The following SND1 variants were observed in gnomAD, a reference collection of about 807,000 sequenced individuals.
The protein encoded by SND1 is staphylococcal nuclease and tudor domain containing 1.
SND1 carries 38 observed loss-of-function variants against 121.7 expected under a neutral mutation model. The ratio of observed to expected loss-of-function variants is 0.31; its 90% CI spans 0.24 to 0.41. SND1 has a LOEUF of 0.41. Among genes scored for constraint, SND1 ranks in the 10% least tolerant of loss-of-function variants. The pLI, the probability that SND1 is intolerant of heterozygous loss-of-function variation, is 1.00. For synonymous variants in SND1, 401 were observed against 447.4 expected (o/e 0.90, Z 1.31); for missense variants, 868 against 1,184.6 (o/e 0.73, Z 3.92).
rs560173905 is a variant in SND1, at chr7:127,769,801, G to A, written c.1153-37683G>A. ...TTCCTTTTCCATTACAAAGGCAACTGTATGAACCAGAACAGTGCCCTTTTT... is the reference window on the plus strand; with the variant it reads ...TTCCTTTTCCATTACAAAGGCAACTATATGAACCAGAACAGTGCCCTTTTT... On this transcript the variant is annotated intron_variant, in intron 10 of 23. Transcript: ENST00000354725. Among the ~76,000 whole-genome samples the A allele has an allele frequency of 2.0e-5, 3 of 152,276 alleles. No homozygotes were observed. The South Asian group carries it at 6.2e-4, about 32-fold the overall frequency.
At chr7:128,087,429 G>T (rs1158437930) in intron 21 of SND1, among the ~76,000 whole-genome samples, 1 of 152,216 alleles carries the variant, frequency 6.6e-6, no homozygotes, top group Non-Finnish European at 1.5e-5. Flanking sequence ...GAGGAATGTG[G>T]CACCATTTCT....
At chr7:127,935,909 G>GTA (rs1387136679) in intron 15 of SND1, among the ~76,000 whole-genome samples, 3 of 152,296 alleles carry the variant, frequency 2.0e-5, no homozygotes, top group African/African-American at 4.8e-5. Context: ...AGAGCCTTCT[G>GTA]TACTTCAAGG....
intron 16 of SND1, among the ~76,000 whole-genome samples, chr7:128,047,851 C>CT (rs566167167): frequency 0.013 from 1,863 of 145,366 alleles, 17 homozygotes; most frequent in African/African-American, 0.026. Context: ...GAACCTGCAT[C>CT]TTTTTTTTTT....
At chr7:127,856,760 C>CTATAT (rs1361273307) in intron 12 of SND1, among the ~76,000 whole-genome samples, 1 of 152,176 alleles carries the variant, frequency 6.6e-6, no homozygotes, top group African/African-American at 2.4e-5. Context: ...GCAATGGGAA[C>CTATAT]TATATTACAG....
intron 10 of SND1, among the ~76,000 whole-genome samples, chr7:127,766,771 C>CAAAAAAAAAAAAAAAAAAAAA (rs59243807): frequency 3.0e-5 from 1 of 33,202 alleles, no homozygotes; most frequent in Non-Finnish European, 5.8e-5. Context: ...GACTTTGTCT[C>CAAAAAAAAAAAAAAAAAAAAA]AAAAAAAAAA....
chr7:127,876,287 G>A (rs1799688265), intron 12 of SND1, among the ~76,000 whole-genome samples: 1 of 152,284 alleles, frequency 6.6e-6, no homozygotes, highest in Non-Finnish European at 1.5e-5. Context: ...AGAAGATTCA[G>A]CTGACAGTGT....
At chr7:128,068,262 C>T (rs1040801225) in intron 16 of SND1, among the ~76,000 whole-genome samples, 1 of 143,818 alleles carries the variant, frequency 7.0e-6, no homozygotes, top group Non-Finnish European at 1.5e-5. Flanking sequence ...TCCCTCCCCC[C>T]ACCCCAAACC....
At chr7:127,771,290 G>A (rs1797508556) in intron 10 of SND1, among the ~76,000 whole-genome samples, 1 of 152,086 alleles carries the variant, frequency 6.6e-6, no homozygotes, top group Non-Finnish European at 1.5e-5. Context: ...GTTTCCCAAG[G>A]GACCAAATTT....
intron 16 of SND1, among the ~76,000 whole-genome samples, chr7:128,059,851 G>A (rs983400573): frequency 2.0e-4 from 30 of 152,222 alleles, no homozygotes; most frequent in African/African-American, 6.3e-4. Context: ...AATCCAGCAC[G>A]TTCTCTTTAT....
chr7:127,810,632 G>A (rs1364310443), intron 11 of SND1, among the ~76,000 whole-genome samples: 1 of 152,150 alleles, frequency 6.6e-6, no homozygotes, highest in Non-Finnish European at 1.5e-5. Context: ...CTGATAGCAG[G>A]AGCAATCTTT....
intron 15 of SND1, among the ~76,000 whole-genome samples, chr7:127,967,300 ACT>A (rs1801875891): frequency 6.6e-6 from 1 of 152,106 alleles, no homozygotes; most frequent in African/African-American, 2.4e-5. Context: ...CAGAGAGAAA[ACT>A]CTCATGCCAC....
At chr7:127,949,543 T>C (rs1801413162) in intron 15 of SND1, among the ~76,000 whole-genome samples, 1 of 152,260 alleles carries the variant, frequency 6.6e-6, no homozygotes, top group Admixed American at 6.5e-5. Flanking sequence ...TGGGTTTCTT[T>C]TGTTGTTTTT....
At chr7:127,709,778 C>G (rs1216576321) in intron 9 of SND1, among the ~76,000 whole-genome samples, 1 of 152,068 alleles carries the variant, frequency 6.6e-6, no homozygotes, top group Non-Finnish European at 1.5e-5. Context: ...TGAGGAATAA[C>G]CAATCTTCTG....
intron 16 of SND1, among the ~76,000 whole-genome samples, chr7:128,073,257 G>A (rs1793445195): frequency 6.6e-6 from 1 of 152,176 alleles, no homozygotes; most frequent in Non-Finnish European, 1.5e-5. Flanking sequence ...GGACCTATAT[G>A]TTCTCCATTA....
chr7:128,002,132 C>T (rs922593011), intron 16 of SND1, among the ~76,000 whole-genome samples: 2 of 152,192 alleles, frequency 1.3e-5, no homozygotes, highest in Non-Finnish European at 2.9e-5. Flanking sequence ...AGTGATGGCA[C>T]ATATGCATAT....
chr7:127,788,601 G>C (rs1024792200), intron 10 of SND1, among the ~76,000 whole-genome samples: 2 of 151,956 alleles, frequency 1.3e-5, no homozygotes, highest in Admixed American at 6.6e-5. Flanking sequence ...TCAACTATGC[G>C]ACCCACTAAA....
In SND1 at chr7:127,980,285, T is replaced by C. The variant is rs1446838921; in HGVS notation, c.1670-10662T>C. Among the ~76,000 whole-genome samples, 3 of 57,956 alleles carry C rather than the reference T, an allele frequency of 5.2e-5. 1 individual carries two copies. The highest frequency in any genetic ancestry group is 1.8e-4 in the Admixed American group (1 of 5,504). 38.0% of individuals were successfully genotyped at this position (57,956 alleles called of 152,430 possible). On this transcript the variant is annotated intron_variant, in intron 15 of 23. Transcript: ENST00000354725. ...CCGCCACTACGCCCGGCTAATTTTTTTTTTTTTTGTATTTTTAGTAGAGAC... is the reference window on the plus strand; with the variant it reads ...CCGCCACTACGCCCGGCTAATTTTTCTTTTTTTTGTATTTTTAGTAGAGAC...
intron 1 of SND1, among the ~76,000 whole-genome samples, chr7:127,676,579 C>G (rs1795620078): frequency 6.6e-6 from 1 of 152,158 alleles, no homozygotes; most frequent in African/African-American, 2.4e-5. Flanking sequence ...ATACTTACTA[C>G]TTTCACCCCA....
intron 16 of SND1, chr7:128,028,591 C>G: frequency 1.6e-6 from 2 of 1,250,230 alleles, no homozygotes; most frequent in Non-Finnish European, 2.2e-6. Flanking sequence ...TAAGCATATA[C>G]AAGAAAAAGT....
Sources: allele counts gnomAD v4.1 joint callset (sites outside exome capture counted in the v4.1 genomes callset), GRCh38; gene constraint gnomAD v4.1.1; transcripts MANE v1.5; gene names NCBI Gene and HGNC (gene_info 2026-07-23, HGNC 2026-07-21).